ROBO2: variants seen among roughly 807,000 people sequenced by gnomAD.
ROBO2 encodes roundabout homolog 2.
ROBO2 carries 53 observed loss-of-function variants against 160.8 expected under a neutral mutation model. That is an observed-to-expected ratio of 0.33 (90% CI 0.26 to 0.41). The LOEUF is 0.41. ROBO2 is among the 10% of genes least tolerant of loss of function. The probability of loss-of-function intolerance (pLI) is 1.00; values close to 1 mark genes in which losing one functional copy is unlikely to be tolerated. For synonymous variants in ROBO2, 664 were observed against 611.7 expected, an observed-to-expected ratio of 1.09 and a Z score of -1.26; for missense variants, 1,577 against 1,722.4, an observed-to-expected ratio of 0.92 and a Z score of 1.49.
chr3:76,003,350 G>A (rs1056055246), intron 2 of ROBO2, among the ~76,000 whole-genome samples: 5 of 152,040 alleles, frequency 3.3e-5, no homozygotes, highest in East Asian at 1.9e-4. Flanking sequence ...TATACCAGCC[G>A]GGTATCCAAG....
At chr3:77,603,059 A>C in intron 20 of ROBO2, 1 of 456,718 alleles carries the variant, frequency 2.2e-6, no homozygotes, top group Non-Finnish European at 4.4e-6. Flanking sequence ...GCAGTCTCTC[A>C]GGTTGGTCTC....
chr3:76,606,220 TA>T (rs1465872972), intron 2 of ROBO2, among the ~76,000 whole-genome samples: 2 of 152,184 alleles, frequency 1.3e-5, no homozygotes, highest in African/African-American at 4.8e-5. Context: ...AATTTTGCCA[TA>T]AATCTATGGA....
chr3:76,211,104 C>T (rs1575890993), intron 2 of ROBO2, among the ~76,000 whole-genome samples: 1 of 152,052 alleles, frequency 6.6e-6, no homozygotes, highest in Admixed American at 6.6e-5. Flanking sequence ...CAGTTATTTA[C>T]TCACTCTTGC....
intron 2 of ROBO2, among the ~76,000 whole-genome samples, chr3:76,975,424 G>C (rs2059768587): frequency 1.3e-5 from 2 of 152,134 alleles, no homozygotes; most frequent in African/African-American, 4.8e-5. Context: ...AGAATCGCTT[G>C]AACCCAGGAG....
intron 2 of ROBO2, among the ~76,000 whole-genome samples, chr3:76,932,618 A>G (rs1436163348): frequency 6.6e-6 from 1 of 152,218 alleles, no homozygotes; most frequent in Non-Finnish European, 1.5e-5. Flanking sequence ...CAGGTAAAAC[A>G]TCAGTGAAAA....
chr3:77,565,597 C>T (rs80125364), intron 12 of ROBO2, among the ~76,000 whole-genome samples: 3,403 of 152,150 alleles, frequency 0.022, 129 homozygotes, highest in African/African-American at 0.077. Context: ...CACACATTTT[C>T]AGGCTCAAAT....
chr3:76,956,240 T>A (rs1288744219), intron 2 of ROBO2, among the ~76,000 whole-genome samples: 1 of 152,158 alleles, frequency 6.6e-6, no homozygotes, highest in East Asian at 1.9e-4. Flanking sequence ...AGATTTAAAT[T>A]GCCTTTAGAT....
At chr3:76,106,793 G>A (rs1470574958) in intron 2 of ROBO2, among the ~76,000 whole-genome samples, 2 of 152,062 alleles carry the variant, frequency 1.3e-5, no homozygotes, top group Admixed American at 6.6e-5. Context: ...ATTTATAATG[G>A]AAGGGTAATA....
At chr3:76,921,141 T>C (rs1304688311) in intron 2 of ROBO2, among the ~76,000 whole-genome samples, 1 of 152,148 alleles carries the variant, frequency 6.6e-6, no homozygotes, top group Non-Finnish European at 1.5e-5. Flanking sequence ...TGCAAATTGA[T>C]CCATAATAAA....
chr3:76,379,615 A>C (rs983178049), intron 2 of ROBO2, among the ~76,000 whole-genome samples: 1 of 152,190 alleles, frequency 6.6e-6, no homozygotes, highest in Admixed American at 6.5e-5. Flanking sequence ...TTTCTGGTTC[A>C]GATAACTTGA....
At chr3:77,561,860 T>C (rs1051565429) in intron 9 of ROBO2, among the ~76,000 whole-genome samples, 1 of 152,094 alleles carries the variant, frequency 6.6e-6, no homozygotes. Context: ...TCCCAGCACT[T>C]TGGGAGGCTG....
intron 2 of ROBO2, among the ~76,000 whole-genome samples, chr3:76,750,277 G>A (rs923230638): frequency 8.2e-4 from 125 of 152,154 alleles, no homozygotes; most frequent in Non-Finnish European, 8.1e-4. Context: ...CAATAAATTA[G>A]GTATTGATGG....
At position 77,046,535 on chromosome 3, in the gene ROBO2, C is replaced by T. The variant is rs190169519; in HGVS notation, c.61+5689C>T. Among the ~76,000 whole-genome samples, 6 of 152,252 alleles carry T rather than the reference C, an allele frequency of 3.9e-5. No individual in the cohort carries two copies. The East Asian group carries it at 9.7e-4, about 25-fold the overall frequency. On this transcript the variant is annotated intron_variant, in intron 1 of 25. Transcript: ENST00000461745. Reference sequence around the variant, plus strand: ...ATTTGCAGCTATATTGCACAACTCTCTTATTGGTTGGGCACATGGAGAACT... The same window carrying T: ...ATTTGCAGCTATATTGCACAACTCTTTTATTGGTTGGGCACATGGAGAACT...
At chr3:77,322,321 A>G (rs974929386) in intron 2 of ROBO2, among the ~76,000 whole-genome samples, 3 of 152,148 alleles carry the variant, frequency 2.0e-5, no homozygotes, top group Non-Finnish European at 2.9e-5. Flanking sequence ...AAAATCTATA[A>G]TGAAGAGGTG....
At chr3:76,942,143 T>C (rs2078229623) in intron 2 of ROBO2, among the ~76,000 whole-genome samples, 1 of 152,198 alleles carries the variant, frequency 6.6e-6, no homozygotes, top group South Asian at 2.1e-4. Context: ...AGAAAATGTA[T>C]AGTTACTTAG....
At chr3:75,911,046 T>TA (rs1423832001) in intron 1 of ROBO2, among the ~76,000 whole-genome samples, 3 of 152,056 alleles carry the variant, frequency 2.0e-5, no homozygotes, top group South Asian at 4.1e-4. Flanking sequence ...ATTTTTTTTT[T>TA]ACTGAGTGAA....
At chr3:75,929,171 ACGTGTG>A (rs1450097621) in intron 1 of ROBO2, among the ~76,000 whole-genome samples, 10 of 80,722 alleles carry the variant, frequency 1.2e-4, no homozygotes, top group African/African-American at 5.1e-4. Flanking sequence ...GCTGGATAAG[ACGTGTG>A]TGTGTGTGTG....
chr3:76,412,578 C>T (rs915753400), intron 2 of ROBO2, among the ~76,000 whole-genome samples: 2 of 152,090 alleles, frequency 1.3e-5, no homozygotes, highest in Non-Finnish European at 2.9e-5. Flanking sequence ...AGAAATTAGC[C>T]CAAACAAAGG....
intron 2 of ROBO2, among the ~76,000 whole-genome samples, chr3:77,397,917 A>G (rs188201830): frequency 1.8e-4 from 28 of 152,258 alleles, no homozygotes; most frequent in Middle Eastern, 3.4e-3. Context: ...ATTAGGAGCA[A>G]CAAAGAAAAA....
Sources: allele counts gnomAD v4.1 joint callset (sites outside exome capture counted in the v4.1 genomes callset), GRCh38; gene constraint gnomAD v4.1.1; transcripts MANE v1.5; gene names NCBI Gene and HGNC (gene_info 2026-07-23, HGNC 2026-07-21).